AGK: variants seen among roughly 807,000 people sequenced by gnomAD.
The protein encoded by AGK is acylglycerol kinase, mitochondrial.
A neutral mutation model predicts 66.4 loss-of-function variants in AGK; 52 were observed. The observed-to-expected ratio is 0.78, with a 90% CI of 0.63 to 0.99. AGK has a LOEUF of 0.99. Among genes scored for constraint, AGK ranks in the 50% least tolerant of loss-of-function variants. The pLI is 0.00. For synonymous variants in AGK, 182 were observed against 181.1 expected (o/e 1.00, Z -0.04); for missense variants, 451 against 506.6 (o/e 0.89, Z 1.05).
chr7:141,605,900 G>C (rs1318533406), intron 5 of AGK, among the ~76,000 whole-genome samples: 1 of 152,130 alleles, frequency 6.6e-6, no homozygotes, highest in African/African-American at 2.4e-5. Flanking sequence ...AGCACTATTA[G>C]AATATTCTTC....
intron 2 of AGK, among the ~76,000 whole-genome samples, chr7:141,561,858 T>G (rs1795358256): frequency 6.6e-6 from 1 of 152,154 alleles, no homozygotes; most frequent in African/African-American, 2.4e-5. Flanking sequence ...AGGCGATATC[T>G]TGATGTGGTG....
intron 4 of AGK, chr7:141,597,166 G>A (rs994215188): frequency 6.5e-6 from 1 of 152,922 alleles, no homozygotes; most frequent in African/African-American, 2.4e-5. Flanking sequence ...TATGACACAG[G>A]ACAGCCTTTA....
intron 5 of AGK, among the ~76,000 whole-genome samples, chr7:141,604,323 GCT>G (rs1202139586): frequency 1.4e-5 from 2 of 143,960 alleles, no homozygotes; most frequent in Non-Finnish European, 3.0e-5. Flanking sequence ...GTTTACACAT[GCT>G]CTCTCTTTAC....
chr7:141,645,016 C>T (rs1222514821), intron 13 of AGK, among the ~76,000 whole-genome samples: 2 of 152,018 alleles, frequency 1.3e-5, no homozygotes, highest in East Asian at 3.8e-4. Context: ...TCTTTTTACA[C>T]AGTCTCTTGG....
intron 2 of AGK, among the ~76,000 whole-genome samples, chr7:141,575,631 G>A (rs1001835103): frequency 1.4e-5 from 2 of 145,096 alleles, no homozygotes; most frequent in African/African-American, 5.2e-5. Context: ...TGGAAATTGG[G>A]CTTAGATGCC....
Position 141,653,198 on chromosome 7 carries a change from C to G in AGK, c.*274C>G, listed in dbSNP as rs1797607370. ...CAGGCTGGTTCAAGACGGAAAAGGA[C>G]TTTCTTCTGTTTTCTTCCAAAGTGC... On this transcript the variant is annotated 3_prime_UTR_variant, in exon 16 of 16. Coordinates refer to ENST00000649286, the MANE Select transcript of AGK (RefSeq NM_018238.4). 5.3e-6 allele frequency: 2 copies of G among 376,108 alleles called. No individual in the cohort carries two copies. The highest frequency in any genetic ancestry group is 3.7e-5 in the Admixed American group (1 of 27,188). The allele number at this position is 376,108 out of a possible 1,614,324, so 23.3% of individuals were successfully genotyped here. A position where few individuals can be genotyped will look rare whatever the true frequency, so the allele number is the denominator to read the frequency against.
chr7:141,569,288 C>A (rs535334478), intron 2 of AGK, among the ~76,000 whole-genome samples: 4 of 152,156 alleles, frequency 2.6e-5, no homozygotes, highest in Non-Finnish European at 5.9e-5. Context: ...ATAGTCCCAG[C>A]ACTTTGGGAG....
intron 2 of AGK, among the ~76,000 whole-genome samples, chr7:141,556,955 C>T (rs1171757318): frequency 6.6e-6 from 1 of 152,130 alleles, no homozygotes; most frequent in Non-Finnish European, 1.5e-5. Flanking sequence ...TTTAAATAAA[C>T]AGAGAAGTTT....
At chr7:141,604,580 GA>G (rs1796416795) in intron 5 of AGK, among the ~76,000 whole-genome samples, 1 of 147,432 alleles carries the variant, frequency 6.8e-6, no homozygotes, top group Non-Finnish European at 1.5e-5. Flanking sequence ...TTATCTTGTA[GA>G]ATTTTTTTTT....
intron 2 of AGK, chr7:141,561,978 C>T: frequency 2.2e-6 from 1 of 450,822 alleles, no homozygotes; most frequent in Non-Finnish European, 4.5e-6. Flanking sequence ...TAGGCTGGTG[C>T]TGGGGAATGT....
chr7:141,566,022 G>A (rs540402334), intron 2 of AGK, among the ~76,000 whole-genome samples: 4 of 152,146 alleles, frequency 2.6e-5, no homozygotes, highest in East Asian at 1.9e-4. Flanking sequence ...ACTTTAACAC[G>A]TGGACCTTTC....
At chr7:141,634,006 G>C in intron 10 of AGK, 26 bp downstream of exon 10, 1 of 1,582,388 alleles carries the variant, frequency 6.3e-7, no homozygotes, top group Non-Finnish European at 8.7e-7. Context: ...ATTGATGTGT[G>C]ATGTTTTTTA....
At chr7:141,632,479 A>G (rs1401670978) in intron 9 of AGK, among the ~76,000 whole-genome samples, 1 of 152,144 alleles carries the variant, frequency 6.6e-6, no homozygotes, top group East Asian at 1.9e-4. Context: ...CATGGCGTAC[A>G]TAGTTTTCTG....
intron 2 of AGK, among the ~76,000 whole-genome samples, chr7:141,573,793 T>C (rs1795667673): frequency 1.3e-5 from 2 of 152,202 alleles, no homozygotes; most frequent in Admixed American, 1.3e-4. Flanking sequence ...GGAGTAGCTG[T>C]CAGGAGCTCT....
At chr7:141,561,026 C>T (rs1204137060) in intron 2 of AGK, among the ~76,000 whole-genome samples, 3 of 152,120 alleles carry the variant, frequency 2.0e-5, no homozygotes, top group Non-Finnish European at 4.4e-5. Flanking sequence ...ATCTCCTGAC[C>T]TCGTGATCCG....
At chr7:141,609,484 T>G (rs924475313) in intron 5 of AGK, among the ~76,000 whole-genome samples, 4 of 152,230 alleles carry the variant, frequency 2.6e-5, no homozygotes, top group African/African-American at 9.6e-5. Flanking sequence ...AATGGAAAGA[T>G]ACATAGGTCA....
chr7:141,569,546 AAAT>A (rs539768367), intron 2 of AGK, among the ~76,000 whole-genome samples: 4 of 152,118 alleles, frequency 2.6e-5, no homozygotes, highest in Admixed American at 2.0e-4. Flanking sequence ...AAATAAAATA[AAAT>A]AATAATAATA....
intron 2 of AGK, among the ~76,000 whole-genome samples, chr7:141,560,925 C>G (rs1024287138): frequency 2.0e-5 from 3 of 151,780 alleles, no homozygotes; most frequent in Admixed American, 2.0e-4. Flanking sequence ...TCCCAAGTAG[C>G]TGGGACTACA....
At chr7:141,618,455 G>C (rs545369512) in intron 8 of AGK, among the ~76,000 whole-genome samples, 1 of 152,094 alleles carries the variant, frequency 6.6e-6, no homozygotes, top group Admixed American at 6.5e-5. Context: ...GTCTATTTAC[G>C]TAAGTGTAAT....
Sources: gnomAD v4.1 joint callset for allele counts (sites outside exome capture counted in the v4.1 genomes callset) on GRCh38, gnomAD v4.1.1 for gene constraint, MANE v1.5 for transcripts, NCBI Gene and HGNC (gene_info 2026-07-23, HGNC 2026-07-21) for gene names.